USH2A: variants seen among roughly 807,000 people sequenced by gnomAD.
USH2A encodes the protein Usher syndrome 2A (autosomal recessive, mild).
In USH2A, 443 loss-of-function variants were observed where a neutral mutation model predicts 538.9. That is an observed-to-expected ratio of 0.82 (90% CI 0.76 to 0.89). USH2A has a LOEUF of 0.89. USH2A is among the 40% of genes least tolerant of loss of function. The pLI is 0.00. For missense variants in USH2A, 6,633 were observed against 6,324.8 expected, an observed-to-expected ratio of 1.05 and a Z score of -1.65; for synonymous variants, 2,413 against 2,273.5, an observed-to-expected ratio of 1.06 and a Z score of -1.75.
At chr1:215,814,605 C>A (rs150682842) in intron 48 of USH2A, among the ~76,000 whole-genome samples, 1,586 of 152,106 alleles carry the variant, frequency 0.01, 34 homozygotes, top group African/African-American at 0.036. Flanking sequence ...TGTGGCAGCT[C>A]TCCCCTTCGC....
chr1:215,699,015 C>G (rs1658910990), intron 61 of USH2A, among the ~76,000 whole-genome samples: 1 of 152,120 alleles, frequency 6.6e-6, no homozygotes, highest in East Asian at 1.9e-4. Context: ...AGAAAGGGGT[C>G]CAGTTTCAGT....
At chr1:215,657,222 T>A (rs1657290047) in intron 64 of USH2A, among the ~76,000 whole-genome samples, 1 of 152,222 alleles carries the variant, frequency 6.6e-6, no homozygotes, top group Non-Finnish European at 1.5e-5. Context: ...AAGGAGATCA[T>A]ATCAATTCAT....
At chr1:216,292,537 G>A (rs912591066) in intron 9 of USH2A, among the ~76,000 whole-genome samples, 167 bp from the exon 10 acceptor site, 13 of 152,020 alleles carry the variant, frequency 8.6e-5, no homozygotes, top group African/African-American at 1.7e-4. Context: ...GCATATTTAC[G>A]GGCATGGTAG....
chr1:215,807,852 C>G (rs1207437915), intron 49 of USH2A, among the ~76,000 whole-genome samples: 1 of 152,040 alleles, frequency 6.6e-6, no homozygotes, highest in Non-Finnish European at 1.5e-5. Flanking sequence ...TGTTAGCCCT[C>G]TTTACTCATA....
chr1:216,009,902 C>T (rs1052373732), intron 32 of USH2A, among the ~76,000 whole-genome samples: 2 of 152,098 alleles, frequency 1.3e-5, no homozygotes, highest in Non-Finnish European at 2.9e-5. Flanking sequence ...TATCCCAAAT[C>T]AGATAGCGTT....
intron 67 of USH2A, among the ~76,000 whole-genome samples, chr1:215,642,217 T>C (rs569729885): frequency 6.6e-6 from 1 of 152,338 alleles, no homozygotes; most frequent in African/African-American, 2.4e-5. Flanking sequence ...TAAGTACCAC[T>C]ACGCTCCTAG....
At chr1:216,257,868 C>A (rs2036288462) in intron 11 of USH2A, among the ~76,000 whole-genome samples, 1 of 151,840 alleles carries the variant, frequency 6.6e-6, no homozygotes, top group Admixed American at 6.6e-5. Context: ...TATTTTCATT[C>A]CATACAGTGT....
chr1:215,996,785 T>G (rs1668153930), intron 34 of USH2A, among the ~76,000 whole-genome samples: 1 of 152,060 alleles, frequency 6.6e-6, no homozygotes, highest in Admixed American at 6.6e-5. Flanking sequence ...GATCAAATTT[T>G]GAAAGATTCA....
chr1:216,354,085 C>A (rs1031363726), intron 4 of USH2A, among the ~76,000 whole-genome samples: 1 of 152,110 alleles, frequency 6.6e-6, no homozygotes, highest in Admixed American at 6.6e-5. Context: ...ATGTGTCTAA[C>A]TATTTTCAAT....
At chr1:215,849,271 G>A (rs370876210) in intron 44 of USH2A, among the ~76,000 whole-genome samples, 3 of 152,056 alleles carry the variant, frequency 2.0e-5, no homozygotes, top group South Asian at 4.2e-4. Context: ...ATAAAAAAGG[G>A]ACATTACTTT....
At chr1:216,230,526 G>A (rs1161932782) in intron 14 of USH2A, among the ~76,000 whole-genome samples, 1 of 152,016 alleles carries the variant, frequency 6.6e-6, no homozygotes, top group Non-Finnish European at 1.5e-5. Context: ...AATGATTTTT[G>A]TAGTTTTTAA....
chr1:216,245,503 GAGAGAGAGAGAGAGAC>G (rs1426771365), intron 13 of USH2A, among the ~76,000 whole-genome samples: 14 of 143,616 alleles, frequency 9.7e-5, no homozygotes, highest in East Asian at 4.6e-4. Flanking sequence ...GAGAGAGAGA[GAGAGAGAGAGAGAGAC>G]AAATGAATAT....
chr1:215,759,331 C>T (rs1170402089), intron 57 of USH2A, among the ~76,000 whole-genome samples: 1 of 152,066 alleles, frequency 6.6e-6, no homozygotes, highest in Non-Finnish European at 1.5e-5. Context: ...GAAAACAAAA[C>T]TCTTTACATC....
chr1:216,361,940 T>C (rs1232143939), intron 4 of USH2A, among the ~76,000 whole-genome samples: 1 of 152,148 alleles, frequency 6.6e-6, no homozygotes, highest in Non-Finnish European at 1.5e-5. Context: ...TAATCTATGG[T>C]TATAGAGGGC....
At position 216,247,182 on chromosome 1, in the gene USH2A, T is replaced by C. The variant is rs765947672; in HGVS notation, c.2212A>G (p.Ser738Gly). 1.8e-5 allele frequency: 29 copies of C among 1,613,904 alleles called. No individual in the cohort carries two copies. The highest frequency in any genetic ancestry group is 2.4e-5 in the Non-Finnish European group (28 of 1,179,920). Reference protein sequence around the residue: ...HCNFGFKFLRSFNDVGCEPCQ... With the variant: ...HCNFGFKFLRGFNDVGCEPCQ... ...GGCTCACATCCAACATCATTAAAGC[T>C]TCGGAGAAATTTAAATCCAAAATTG... Residue 738 changes from serine to glycine, a missense_variant, in exon 13 of 72, where the codon AGC becomes GGC. Transcript: ENST00000307340.
chr1:215,898,041 A>C (rs1358562346), intron 40 of USH2A, among the ~76,000 whole-genome samples: 1 of 152,184 alleles, frequency 6.6e-6, no homozygotes, highest in African/African-American at 2.4e-5. Context: ...TAAAATATAC[A>C]GTACCCTGTC....
At position 215,948,439 on chromosome 1, in the gene USH2A, T is replaced by TATAC. The variant is rs1553279490; in HGVS notation, c.7121-13645_7121-13644insGTAT. ...ATATTTGTTCAGATATATATATATA[T>TATAC]ATATACACACACACACACACACACA... On this transcript the variant is annotated intron_variant, in intron 37 of 71. Coordinates refer to ENST00000307340, the MANE Select transcript of USH2A (RefSeq NM_206933.4). Among the ~76,000 whole-genome samples the TATAC allele has an allele frequency of 2.0e-5, 3 of 147,002 alleles. No individual in the cohort carries two copies. In the East Asian group the frequency reaches 6.0e-4, roughly 29 times the overall value.
At chr1:216,275,711 T>G (rs1253914636) in intron 11 of USH2A, among the ~76,000 whole-genome samples, 1 of 152,180 alleles carries the variant, frequency 6.6e-6, no homozygotes, top group African/African-American at 2.4e-5. Context: ...CTGTTATACA[T>G]TAAGCACTAA....
At chr1:216,137,268 T>C (rs962817381) in intron 21 of USH2A, among the ~76,000 whole-genome samples, 3 of 152,042 alleles carry the variant, frequency 2.0e-5, no homozygotes, top group Non-Finnish European at 4.4e-5. Context: ...ACGCTGCTGA[T>C]AAAGACATAC....
Sources: gnomAD v4.1 joint callset for allele counts (sites outside exome capture counted in the v4.1 genomes callset) on GRCh38, gnomAD v4.1.1 for gene constraint, MANE v1.5 for transcripts, NCBI Gene and HGNC (gene_info 2026-07-23, HGNC 2026-07-21) for gene names.